Variants in PLPP3 observed in about 807,000 individuals in gnomAD.
PLPP3 encodes the protein PAP2 beta.
A neutral mutation model predicts 29.6 loss-of-function variants in PLPP3; 6 were observed. The observed-to-expected ratio is 0.20, with a 90% CI of 0.11 to 0.40. PLPP3 has a LOEUF of 0.40. PLPP3 is among the 10% of genes least tolerant of loss of function. PLPP3 has a pLI of 1.00. For missense variants in PLPP3, 308 were observed against 407.7 expected (o/e 0.76, Z 2.11); for synonymous variants, 152 against 159.7 (o/e 0.95, Z 0.36).
intron 1 of PLPP3, among the ~76,000 whole-genome samples, chr1:56,561,143 G>A (rs548104741): frequency 1.5e-4 from 23 of 151,850 alleles, no homozygotes; most frequent in South Asian, 4.2e-4. Context: ...CACTGCACCC[G>A]GCCCAGAGCC....
At chr1:56,562,905 C>CAG (rs1646140001) in intron 1 of PLPP3, among the ~76,000 whole-genome samples, 1 of 152,162 alleles carries the variant, frequency 6.6e-6, no homozygotes, top group African/African-American at 2.4e-5. Flanking sequence ...TCCACAAATA[C>CAG]TGGGAGAGAT....
chr1:56,500,515 G>T (rs1183076417), intron 5 of PLPP3, among the ~76,000 whole-genome samples: 1 of 152,202 alleles, frequency 6.6e-6, no homozygotes, highest in Non-Finnish European at 1.5e-5. Flanking sequence ...CAGGAGAAAG[G>T]GAGTACAGCA....
intron 1 of PLPP3, among the ~76,000 whole-genome samples, chr1:56,540,911 T>C (rs554763419): frequency 5.1e-4 from 78 of 152,268 alleles, no homozygotes; most frequent in African/African-American, 1.9e-3. Flanking sequence ...TTAGTTCCAA[T>C]ACCATCACCA....
chr1:56,574,042 T>C (rs1384922696), intron 1 of PLPP3, among the ~76,000 whole-genome samples: 3 of 151,594 alleles, frequency 2.0e-5, no homozygotes, highest in Non-Finnish European at 4.4e-5. Flanking sequence ...TCTACTAAAA[T>C]ACAAAAAATT....
chr1:56,576,516 A>C (rs1240452455), intron 1 of PLPP3, among the ~76,000 whole-genome samples: 5 of 152,198 alleles, frequency 3.3e-5, no homozygotes, highest in African/African-American at 1.2e-4. Context: ...TTTGAGAGAC[A>C]TTTAATTAGT....
chr1:56,563,678 G>C (rs1012936934), intron 1 of PLPP3, among the ~76,000 whole-genome samples: 2 of 152,198 alleles, frequency 1.3e-5, no homozygotes, highest in Admixed American at 6.5e-5. Context: ...CTACTGATTA[G>C]CTGAATTATT....
intron 1 of PLPP3, among the ~76,000 whole-genome samples, chr1:56,572,774 A>G (rs975574825): frequency 3.3e-5 from 5 of 152,196 alleles, no homozygotes; most frequent in African/African-American, 1.2e-4. Flanking sequence ...TCTATGAAGA[A>G]CAACAGCAAC....
At chr1:56,502,472 C>T (rs1645675211) in intron 5 of PLPP3, among the ~76,000 whole-genome samples, 1 of 152,166 alleles carries the variant, frequency 6.6e-6, no homozygotes, top group Non-Finnish European at 1.5e-5. Context: ...CCATCTAAGA[C>T]CTACTGAGAA....
chr1:56,572,387 G>C (rs1041603), intron 1 of PLPP3, among the ~76,000 whole-genome samples: 46,172 of 151,924 alleles, frequency 0.3, 7,724 homozygotes, highest in Middle Eastern at 0.43. Flanking sequence ...CTGGGCTGTT[G>C]AATGACAGGA....
chr1:56,522,281 C>A (rs527991547), intron 4 of PLPP3, among the ~76,000 whole-genome samples: 11 of 152,130 alleles, frequency 7.2e-5, no homozygotes, highest in African/African-American at 2.4e-4. Flanking sequence ...TCACCTGCTG[C>A]GCAGCTGTGA....
Position 56,524,146 on chromosome 1 carries a change from CTG to C in PLPP3, c.575+129_575+130del. On this transcript the variant is annotated intron_variant, in intron 3 of 5. Transcript: ENST00000371250. This position sits in a 1 kb window ranked among gnomAD's most constrained non-coding sequence, Gnocchi z 4.3. Reference sequence around the variant, plus strand: ...TTACATATCTGTCTCAATCATCTGACTGTGAGTTCCTCAAGAATAGGAACTAT... The same window carrying C: ...TTACATATCTGTCTCAATCATCTGACTGAGTTCCTCAAGAATAGGAACTAT... 9.0e-7 allele frequency: 1 copy of C among 1,114,498 alleles called. No homozygotes were observed. The highest frequency in any genetic ancestry group is 1.3e-6 in the Non-Finnish European group (1 of 772,728). The allele number at this position is 1,114,498 out of a possible 1,614,324, so 69.0% of individuals were successfully genotyped here.
chr1:56,579,122 T>C lies in PLPP3; in HGVS notation c.-106A>G, dbSNP rs1646259235. ...TCCTGGCCGAGGCTGCTGCGGATAG[T>C]GGCGGGTCGGCCCCGGCTCCGGGCG... On this transcript the variant is annotated 5_prime_UTR_variant, in exon 1 of 6. Coordinates refer to ENST00000371250, the MANE Select transcript of PLPP3 (RefSeq NM_003713.5). The C allele has an allele frequency of 1.4e-6, 2 of 1,459,812 alleles. No individual in the cohort carries two copies. The highest frequency in any genetic ancestry group is 2.6e-5 in the South Asian group (2 of 77,592). The allele number at this position is 1,459,812 out of a possible 1,614,324, so 90.4% of individuals were successfully genotyped here.
rs190342639 is a variant in PLPP3, at chr1:56,547,414, C to G, written c.140-10302G>C. Among the ~76,000 whole-genome samples, 229 of 152,280 alleles carry G rather than the reference C, an allele frequency of 1.5e-3. 1 individual carries two copies. The highest frequency in any genetic ancestry group is 5.2e-3 in the African/African-American group (218 of 41,560). The stretch of plus-strand genomic sequence containing the variant: ...CACTTTCTAAATTTTAACCTAATCT[C>G]TCCCACATCCCAAATCCTGTTTTTT... On this transcript the variant is annotated intron_variant, in intron 1 of 5. Coordinates refer to ENST00000371250, the MANE Select transcript of PLPP3 (RefSeq NM_003713.5).
intron 4 of PLPP3, among the ~76,000 whole-genome samples, chr1:56,517,591 C>T (rs143654993): frequency 2.6e-5 from 4 of 152,352 alleles, no homozygotes; most frequent in East Asian, 3.9e-4. Context: ...AGTACTTGCT[C>T]AAGGTAACCA....
intron 1 of PLPP3, among the ~76,000 whole-genome samples, chr1:56,562,435 T>C (rs1283947178): frequency 2.0e-5 from 3 of 152,150 alleles, no homozygotes; most frequent in Non-Finnish European, 2.9e-5. Flanking sequence ...TTTTCAGATC[T>C]GGGTAAATGA....
chr1:56,515,443 C>T (rs1038144091), intron 4 of PLPP3, among the ~76,000 whole-genome samples: 2 of 152,094 alleles, frequency 1.3e-5, no homozygotes, highest in Non-Finnish European at 2.9e-5. Flanking sequence ...CGGACAAAGC[C>T]CACATCTCCC....
At chr1:56,557,012 G>GAAGGAAAGAAAGAAAAGAA (rs60511169) in intron 1 of PLPP3, among the ~76,000 whole-genome samples, 3 of 9,102 alleles carry the variant, frequency 3.3e-4, no homozygotes, top group Admixed American at 1.4e-3. Flanking sequence ...GAAAGAAAGA[G>GAAGGAAAGAAAGAAAAGAA]AGAGAGAGAG....
At chr1:56,498,476 T>C (rs1485282021) in intron 5 of PLPP3, among the ~76,000 whole-genome samples, 3 of 152,068 alleles carry the variant, frequency 2.0e-5, no homozygotes, top group African/African-American at 7.2e-5. Flanking sequence ...TTTTCCCTTA[T>C]CTCCCCCAGT....
intron 1 of PLPP3, among the ~76,000 whole-genome samples, chr1:56,566,582 A>G (rs912061883): frequency 2.0e-4 from 31 of 152,172 alleles, no homozygotes; most frequent in African/African-American, 7.2e-4. Context: ...GCCCCGATAC[A>G]TATCAGCTGT....
Sources: allele counts gnomAD v4.1 joint callset (sites outside exome capture counted in the v4.1 genomes callset), GRCh38; gene constraint gnomAD v4.1.1; non-coding constraint Gnocchi (gnomAD v3.1); transcripts MANE v1.5; gene names NCBI Gene and HGNC (gene_info 2026-07-23, HGNC 2026-07-21).